KIAA1328: variants seen among roughly 807,000 people sequenced by gnomAD.
KIAA1328 encodes protein hinderin.
KIAA1328 carries 52 observed loss-of-function variants against 68.1 expected under a neutral mutation model. The ratio of observed to expected loss-of-function variants is 0.76; its 90% CI spans 0.61 to 0.96. The LOEUF is 0.96. Among genes scored for constraint, KIAA1328 ranks in the 40% least tolerant of loss-of-function variants. KIAA1328 has a pLI of 0.00. For synonymous variants in KIAA1328, 232 were observed against 239.4 expected, an observed-to-expected ratio of 0.97 and a Z score of 0.28; for missense variants, 641 against 677.6, an observed-to-expected ratio of 0.95 and a Z score of 0.60.
At chr18:36,866,286 G>A (rs1229219497) in intron 4 of KIAA1328, among the ~76,000 whole-genome samples, 3 of 151,934 alleles carry the variant, frequency 2.0e-5, no homozygotes, top group African/African-American at 7.3e-5. Flanking sequence ...CTGACATTGG[G>A]CTGGTATTAG....
chr18:36,992,451 C>CTTTTTT (rs71168252), intron 6 of KIAA1328, among the ~76,000 whole-genome samples: 2 of 130,096 alleles, frequency 1.5e-5, no homozygotes, highest in African/African-American at 6.9e-5. Flanking sequence ...TCTTTTCTTT[C>CTTTTTT]TTTTTTTTTT....
chr18:36,838,603 T>C (rs908444414), intron 3 of KIAA1328, among the ~76,000 whole-genome samples: 3 of 152,238 alleles, frequency 2.0e-5, no homozygotes, highest in Admixed American at 6.5e-5. Flanking sequence ...TTGCCTGGCT[T>C]GTATTGTTTT....
At chr18:36,966,184 C>T (rs1214107470) in intron 6 of KIAA1328, among the ~76,000 whole-genome samples, 1 of 152,120 alleles carries the variant, frequency 6.6e-6, no homozygotes, top group African/African-American at 2.4e-5. Flanking sequence ...TTCTTCAAAA[C>T]TGAAGGTAAT....
At chr18:36,912,092 A>T (rs2049475763) in intron 5 of KIAA1328, among the ~76,000 whole-genome samples, 1 of 152,152 alleles carries the variant, frequency 6.6e-6, no homozygotes, top group Non-Finnish European at 1.5e-5. Flanking sequence ...ATCTCTGTTA[A>T]TCTTCAAGTT....
intron 6 of KIAA1328, among the ~76,000 whole-genome samples, chr18:37,041,640 T>TTGTG (rs56237948): frequency 0.01 from 1,471 of 146,968 alleles, 11 homozygotes; most frequent in Middle Eastern, 0.014. Flanking sequence ...TTTTTTGTGT[T>TTGTG]TGTGTGTGTG....
Position 37,225,094 on chromosome 18 carries a change from C to T in KIAA1328, c.*2867C>T, listed in dbSNP as rs1392516971. The T allele has an allele frequency of 2.0e-6, 2 of 985,296 alleles. No individual in the cohort carries two copies. Among genetic ancestry groups the T allele is most frequent in the Non-Finnish European group, 2.4e-6 (2 of 829,952 alleles). The allele number at this position is 985,296 out of a possible 1,614,324, so 61.0% of individuals were successfully genotyped here. A position where few individuals can be genotyped will look rare whatever the true frequency, so the allele number is the denominator to read the frequency against. ...TTTCTGCTCCCTCAGAGCTACTCTTCACTTGTCCCTGCTTCCGGCACCAAG... is the reference window on the plus strand; with the variant it reads ...TTTCTGCTCCCTCAGAGCTACTCTTTACTTGTCCCTGCTTCCGGCACCAAG... On this transcript the variant is annotated 3_prime_UTR_variant, in exon 10 of 10. Coordinates refer to ENST00000280020, the MANE Select transcript of KIAA1328 (RefSeq NM_020776.3).
intron 7 of KIAA1328, among the ~76,000 whole-genome samples, chr18:37,117,321 G>T (rs551553674): frequency 2.0e-5 from 3 of 152,262 alleles, no homozygotes; most frequent in African/African-American, 7.2e-5. Flanking sequence ...CCATAAAAAA[G>T]GATGAGTTCA....
At chr18:36,869,261 C>G (rs575243372) in intron 4 of KIAA1328, among the ~76,000 whole-genome samples, 2 of 152,128 alleles carry the variant, frequency 1.3e-5, no homozygotes. Context: ...TTGTTCTGAG[C>G]TCTGTATCAA....
At chr18:36,985,242 G>A (rs773955993) in intron 6 of KIAA1328, among the ~76,000 whole-genome samples, 22 of 152,164 alleles carry the variant, frequency 1.4e-4, no homozygotes, top group Admixed American at 2.6e-4. Flanking sequence ...CAAGTCTACA[G>A]TGAGCCAGGA....
chr18:36,904,314 G>A (rs576485917), intron 5 of KIAA1328, among the ~76,000 whole-genome samples: 4 of 152,054 alleles, frequency 2.6e-5, no homozygotes, highest in Non-Finnish European at 4.4e-5. Context: ...ATCAGTTATT[G>A]AGAAAGGGGT....
At chr18:36,959,638 T>G (rs1367855610) in intron 6 of KIAA1328, among the ~76,000 whole-genome samples, 8 of 152,184 alleles carry the variant, frequency 5.3e-5, no homozygotes, top group African/African-American at 1.9e-4. Context: ...GAATGATTAC[T>G]TGAAGCAGTC....
intron 5 of KIAA1328, among the ~76,000 whole-genome samples, chr18:36,951,192 A>AGT (rs2051147528): frequency 6.6e-6 from 1 of 152,142 alleles, no homozygotes; most frequent in African/African-American, 2.4e-5. Flanking sequence ...CCTTTTAGAA[A>AGT]GTGTTCCTAC....
chr18:37,110,784 C>A (rs2057908854), intron 7 of KIAA1328, among the ~76,000 whole-genome samples: 2 of 152,086 alleles, frequency 1.3e-5, no homozygotes, highest in Admixed American at 1.3e-4. Flanking sequence ...AACATGGTTG[C>A]AATCTTATTG....
intron 7 of KIAA1328, chr18:37,075,646 A>T (rs1440411825): frequency 6.6e-6 from 1 of 152,224 alleles, no homozygotes; most frequent in East Asian, 1.9e-4. Flanking sequence ...AGATCTACCA[A>T]GCAAATGGAG....
chr18:36,885,901 G>T, intron 5 of KIAA1328: 1 of 480,426 alleles, frequency 2.1e-6, no homozygotes, highest in Non-Finnish European at 3.6e-6. Flanking sequence ...ATTTTTAGTA[G>T]AGACGGGGTT....
intron 6 of KIAA1328, among the ~76,000 whole-genome samples, chr18:36,993,620 A>G (rs2053274986): frequency 6.6e-6 from 1 of 152,218 alleles, no homozygotes; most frequent in African/African-American, 2.4e-5. Flanking sequence ...AAAGATAAAG[A>G]TATAACTGTA....
Position 37,224,511 on chromosome 18 carries a change from G to A in KIAA1328, c.*2284G>A, listed in dbSNP as rs564492933. The A allele has an allele frequency of 2.8e-5, 28 of 984,676 alleles. No homozygotes were observed. Among genetic ancestry groups the A allele is most frequent in the Non-Finnish European group, 3.4e-5 (28 of 829,316 alleles). 61.0% of individuals were successfully genotyped at this position (984,676 alleles called of 1,614,324 possible). A position where few individuals can be genotyped will look rare whatever the true frequency, so the allele number is the denominator to read the frequency against. On this transcript the variant is annotated 3_prime_UTR_variant, in exon 10 of 10. Transcript: ENST00000280020. ...ACATTTTGTTGGTGTTGGTGCAAGG[G>A]CAATAGGATGTAAATTTGTATATAA... is the stretch of plus-strand genomic sequence containing the variant.
At chr18:36,851,432 C>T (rs1228506760) in intron 4 of KIAA1328, among the ~76,000 whole-genome samples, 2 of 152,076 alleles carry the variant, frequency 1.3e-5, no homozygotes, top group African/African-American at 4.8e-5. Flanking sequence ...CATCTGGTCC[C>T]TGGATTGTCT....
intron 7 of KIAA1328, among the ~76,000 whole-genome samples, chr18:37,090,582 G>A (rs1424015593): frequency 6.6e-6 from 1 of 152,144 alleles, no homozygotes; most frequent in Non-Finnish European, 1.5e-5. Context: ...CACATTAGAT[G>A]AAATAATTAA....
Sources: gnomAD v4.1 joint callset for allele counts (sites outside exome capture counted in the v4.1 genomes callset) on GRCh38, gnomAD v4.1.1 for gene constraint, MANE v1.5 for transcripts, NCBI Gene and HGNC (gene_info 2026-07-23, HGNC 2026-07-21) for gene names.